Variants in LSAMP observed in about 807,000 individuals in gnomAD.
The protein encoded by LSAMP is limbic system associated membrane protein.
LSAMP carries 7 observed loss-of-function variants against 38.6 expected under a neutral mutation model. The ratio of observed to expected loss-of-function variants is 0.18; its 90% CI spans 0.10 to 0.34. The LOEUF is 0.34. LSAMP is among the 10% of genes least tolerant of loss of function. LSAMP has a pLI of 1.00. For missense variants in LSAMP, 313 were observed against 420.0 expected (o/e 0.75, Z 2.23); for synonymous variants, 154 against 166.8 (o/e 0.92, Z 0.59).
chr3:115,880,497 C>T (rs145810656), intron 3 of LSAMP, among the ~76,000 whole-genome samples: 1 of 152,094 alleles, frequency 6.6e-6, no homozygotes, highest in Non-Finnish European at 1.5e-5. Flanking sequence ...AAATTTTCCT[C>T]TTGAGATGCT....
At chr3:115,959,364 G>A (rs1938554869) in intron 3 of LSAMP, among the ~76,000 whole-genome samples, 3 of 152,150 alleles carry the variant, frequency 2.0e-5, no homozygotes, top group South Asian at 2.1e-4. Context: ...CCACCAAGAA[G>A]AGGAAAGTGA....
chr3:116,169,439 G>T (rs141231385), intron 1 of LSAMP, among the ~76,000 whole-genome samples: 274 of 152,336 alleles, frequency 1.8e-3, no homozygotes, highest in South Asian at 3.9e-3. Flanking sequence ...GAGCACATGT[G>T]CTAAGGTATC....
At chr3:115,859,057 C>G (rs763594025) in intron 3 of LSAMP, among the ~76,000 whole-genome samples, 2 of 152,140 alleles carry the variant, frequency 1.3e-5, no homozygotes, top group African/African-American at 4.8e-5. Flanking sequence ...AGAAAAGATG[C>G]CTGCAGTAGG....
At position 116,209,105 on chromosome 3, in the gene LSAMP, T is replaced by C. The variant is rs370270575; in HGVS notation, c.156-122549A>G. 2.6e-5 allele frequency among the ~76,000 whole-genome samples: 4 copies of C among 152,248 alleles called. No homozygotes were observed. In the East Asian group the frequency reaches 5.8e-4, roughly 22 times the overall value. On this transcript the variant is annotated intron_variant, in intron 1 of 6. Coordinates refer to ENST00000490035, the MANE Select transcript of LSAMP (RefSeq NM_002338.5). ...AGGTGCGGGATATAATCTCGTGGTGTGCCGTTTTTTAAGCCGGTCCGAAAA... is the reference window on the plus strand; with the variant it reads ...AGGTGCGGGATATAATCTCGTGGTGCGCCGTTTTTTAAGCCGGTCCGAAAA...
At chr3:116,222,799 G>A (rs574471396) in intron 1 of LSAMP, among the ~76,000 whole-genome samples, 4 of 125,092 alleles carry the variant, frequency 3.2e-5, no homozygotes, top group Non-Finnish European at 6.3e-5. Context: ...CCAGTGGCGC[G>A]ATCTCGGCTC....
chr3:116,406,971 T>G (rs890876535), intron 1 of LSAMP, among the ~76,000 whole-genome samples: 1 of 152,104 alleles, frequency 6.6e-6, no homozygotes, highest in Non-Finnish European at 1.5e-5. Context: ...CTCTTTTTAG[T>G]AATTCTTAAG....
intron 2 of LSAMP, among the ~76,000 whole-genome samples, chr3:116,019,847 T>C (rs1042919012): frequency 1.3e-5 from 2 of 152,218 alleles, no homozygotes; most frequent in Non-Finnish European, 2.9e-5. Context: ...AAGAACACCC[T>C]TCACAAAGCC....
At chr3:116,085,802 T>C (rs991645607) in intron 2 of LSAMP, among the ~76,000 whole-genome samples, 2 of 152,174 alleles carry the variant, frequency 1.3e-5, no homozygotes, top group Non-Finnish European at 2.9e-5. Flanking sequence ...TGTCATTAAG[T>C]AGAGATACAA....
intron 1 of LSAMP, among the ~76,000 whole-genome samples, chr3:116,356,245 A>G (rs1219318531): frequency 6.6e-6 from 1 of 152,246 alleles, no homozygotes; most frequent in Non-Finnish European, 1.5e-5. Context: ...AGTACTATGC[A>G]GCCATAAAAA....
chr3:116,191,363 A>G (rs1430220202), intron 1 of LSAMP, among the ~76,000 whole-genome samples: 2 of 152,198 alleles, frequency 1.3e-5, no homozygotes, highest in Non-Finnish European at 2.9e-5. Flanking sequence ...GAAGTGGTCC[A>G]AGGGGCAAAC....
intron 1 of LSAMP, among the ~76,000 whole-genome samples, chr3:116,118,559 A>G (rs1419211798): frequency 6.6e-6 from 1 of 152,158 alleles, no homozygotes; most frequent in Non-Finnish European, 1.5e-5. Flanking sequence ...CAAATTTAGT[A>G]GAGTTTGCAG....
chr3:116,239,108 A>C (rs2046499665), intron 1 of LSAMP, among the ~76,000 whole-genome samples: 1 of 152,186 alleles, frequency 6.6e-6, no homozygotes, highest in Non-Finnish European at 1.5e-5. Context: ...GTGATAGTCT[A>C]AGCCTAGAAT....
chr3:116,369,010 T>C (rs959548910), intron 1 of LSAMP, among the ~76,000 whole-genome samples: 10 of 152,158 alleles, frequency 6.6e-5, no homozygotes, highest in Admixed American at 3.9e-4. Context: ...TTGAAGTACA[T>C]AGGTAGATTT....
chr3:116,084,911 C>T (rs1307627474), intron 2 of LSAMP, among the ~76,000 whole-genome samples: 3 of 151,426 alleles, frequency 2.0e-5, no homozygotes, highest in African/African-American at 7.3e-5. Flanking sequence ...GTTATCTCTC[C>T]TCCTTCTGCC....
rs961551894 is a variant in LSAMP at position 116,202,751 on chromosome 3, T to C, written c.156-116195A>G. ...CCTTTTTTTGGCTCATTCCTAAATA[T>C]ATTCAACACTAGTTCCAGTAACTCC... On this transcript the variant is annotated intron_variant, in intron 1 of 6. Coordinates refer to ENST00000490035, the MANE Select transcript of LSAMP (RefSeq NM_002338.5). Among the ~76,000 whole-genome samples the C allele has an allele frequency of 2.6e-5, 4 of 152,272 alleles. No homozygotes were observed. The East Asian group carries it at 5.8e-4, about 22-fold the overall frequency.
Position 115,806,437 on chromosome 3 carries a change from A to G in LSAMP, c.*3880T>C, listed in dbSNP as rs577266781. On this transcript the variant is annotated 3_prime_UTR_variant, in exon 7 of 7. Coordinates refer to ENST00000490035, the MANE Select transcript of LSAMP (RefSeq NM_002338.5). ...GAAACAGTGAAACCACAACCAACTC[A>G]GGGATGGAATCTGCGACTCTGGAGG... 1.3e-5 allele frequency: 2 copies of G among 152,326 alleles called. No individual in the cohort carries two copies. The highest frequency in any genetic ancestry group is 2.4e-5 in the African/African-American group (1 of 41,582). The allele number at this position is 152,326 out of a possible 1,614,324, so 9.4% of individuals were successfully genotyped here.
At chr3:115,904,194 T>C (rs1235783304) in intron 3 of LSAMP, among the ~76,000 whole-genome samples, 1 of 152,168 alleles carries the variant, frequency 6.6e-6, no homozygotes, top group East Asian at 1.9e-4. Context: ...GATGTCACTA[T>C]AGATTTAAAA....
chr3:116,019,891 T>G (rs1047933547), intron 2 of LSAMP, among the ~76,000 whole-genome samples: 1 of 152,222 alleles, frequency 6.6e-6, no homozygotes, highest in Non-Finnish European at 1.5e-5. Context: ...CAAAGTAGTA[T>G]GATGAAAATA....
chr3:116,269,117 C>A (rs538319102), intron 1 of LSAMP, among the ~76,000 whole-genome samples: 1 of 152,136 alleles, frequency 6.6e-6, no homozygotes, highest in East Asian at 1.9e-4. Flanking sequence ...CTCCCACACA[C>A]CAAGCACAAA....
Sources: allele counts gnomAD v4.1 joint callset (sites outside exome capture counted in the v4.1 genomes callset), GRCh38; gene constraint gnomAD v4.1.1; transcripts MANE v1.5; gene names NCBI Gene and HGNC (gene_info 2026-07-23, HGNC 2026-07-21).